Variants in UNC80 observed in about 807,000 individuals in gnomAD.
UNC80 encodes protein unc-80 homolog.
Under a neutral mutation model 384.6 loss-of-function variants are expected in UNC80, and 164 were observed. The ratio of observed to expected loss-of-function variants is 0.43; its 90% confidence interval spans 0.38 to 0.49. The LOEUF (loss-of-function observed/expected upper bound fraction) is 0.49, where lower values mean the gene tolerates loss of function less well. Ranked by LOEUF, UNC80 falls within the 20% of genes least tolerant of loss-of-function variation. UNC80 has a pLI of 0.00. For synonymous variants in UNC80, 1,486 were observed against 1,527.8 expected, an observed-to-expected ratio of 0.97 and a Z score of 0.64; for missense variants, 3,330 against 4,143.0, an observed-to-expected ratio of 0.80 and a Z score of 5.39.
chr2:209,904,469 C>T (rs1217109205), intron 28 of UNC80, among the ~76,000 whole-genome samples: 1 of 152,198 alleles, frequency 6.6e-6, no homozygotes, highest in African/African-American at 2.4e-5. Flanking sequence ...TCAGAATCTC[C>T]ATTTGAGAAT....
At chr2:209,984,586 G>A (rs774368748) in intron 60 of UNC80, among the ~76,000 whole-genome samples, 38 of 152,046 alleles carry the variant, frequency 2.5e-4, no homozygotes, top group Non-Finnish European at 4.9e-4. Flanking sequence ...GGGCCCATTC[G>A]GAGTTCATTT....
Position 209,817,004 on chromosome 2 carries a change from G to T in UNC80, c.1431G>T (p.Leu477=). 6.4e-7 allele frequency: 1 copy of T among 1,551,702 alleles called. No individual in the cohort carries two copies. Among genetic ancestry groups the T allele is most frequent in the Non-Finnish European group, 8.7e-7 (1 of 1,146,996 alleles). The change falls in exon 10 of 65, where the codon CTG becomes CTT. Residue 477 remains leucine, a synonymous_variant. Transcript: ENST00000673920. ...CACGGAGAATGGGAGTGCCCTTCCT[G>T]CTTCACGAGGACCACCTGGATGTGT... The part of the protein sequence containing the change: ...RRPRRMGVPF[L]LHEDHLDVSP...
intron 60 of UNC80, among the ~76,000 whole-genome samples, chr2:209,983,096 A>T (rs912279488): frequency 6.6e-6 from 1 of 152,068 alleles, no homozygotes; most frequent in Admixed American, 6.6e-5. Flanking sequence ...ACCTTATGTG[A>T]TTTTAGTGTG....
chr2:209,842,255 G>A, intron 20 of UNC80, 95 bp from the exon 21 acceptor site: 3 of 915,756 alleles, frequency 3.3e-6, no homozygotes, highest in Non-Finnish European at 4.9e-6. Flanking sequence ...ATGAAAATGA[G>A]TAAACAACTC....
Position 209,953,858 on chromosome 2 carries a change from C to G in UNC80, c.7287-242C>G, listed in dbSNP as rs376131710. Among the ~76,000 whole-genome samples the G allele has an allele frequency of 8.4e-4, 128 of 152,234 alleles. 3 individuals carry two copies. The highest frequency in any genetic ancestry group is 3.0e-3 in the African/African-American group (125 of 41,512). ...CATTTATTTGTATATATGGCTAATT[C>G]CCCCGACTAGATCACATGTTTCCTT... is the stretch of plus-strand genomic sequence containing the variant. On this transcript the variant is annotated intron_variant, in intron 47 of 64. Coordinates refer to ENST00000673920, the MANE Select transcript of UNC80 (RefSeq NM_001371986.1).
intron 15 of UNC80, 35 bp downstream of exon 15, chr2:209,829,414 C>T: frequency 3.9e-6 from 6 of 1,549,160 alleles, no homozygotes; most frequent in South Asian, 1.2e-5. Context: ...TAGGAGAAGT[C>T]GTTGTGAGGT....
chr2:209,981,525 C>G (rs2093156494), intron 59 of UNC80, among the ~76,000 whole-genome samples: 1 of 152,184 alleles, frequency 6.6e-6, no homozygotes, highest in Admixed American at 6.5e-5. Flanking sequence ...TTCAGTGAGC[C>G]AAGATCGCGC....
intron 61 of UNC80, among the ~76,000 whole-genome samples, chr2:209,990,419 CAACT>C (rs1198681753): frequency 6.6e-6 from 1 of 152,174 alleles, no homozygotes; most frequent in Non-Finnish European, 1.5e-5. Context: ...CATTGTACAT[CAACT>C]AACTTCTTTT....
intron 51 of UNC80, chr2:209,961,391 G>A (rs1184032011): frequency 6.6e-6 from 1 of 152,172 alleles, no homozygotes; most frequent in Non-Finnish European, 1.5e-5. Flanking sequence ...TTCAATGCAA[G>A]AGGCACATAA....
intron 3 of UNC80, among the ~76,000 whole-genome samples, chr2:209,776,819 CT>C (rs2076892785): frequency 6.6e-6 from 1 of 152,106 alleles, no homozygotes; most frequent in African/African-American, 2.4e-5. Context: ...TTACAGATTG[CT>C]TTTTTCATCT....
At chr2:209,860,440 G>T (rs2083267334) in intron 22 of UNC80, among the ~76,000 whole-genome samples, 1 of 152,138 alleles carries the variant, frequency 6.6e-6, no homozygotes, top group African/African-American at 2.4e-5. Context: ...TAGCCTTGTA[G>T]TTTGAAGTCA....
chr2:209,967,259 G>A (rs147726325), intron 51 of UNC80, among the ~76,000 whole-genome samples, 178 bp from the exon 52 acceptor site: 35 of 152,110 alleles, frequency 2.3e-4, no homozygotes, highest in African/African-American at 8.2e-4. Context: ...GCATATGTAG[G>A]TATCACTGTT....
At chr2:209,948,881 CTTAGT>C (rs1311639717) in intron 47 of UNC80, among the ~76,000 whole-genome samples, 1 of 151,992 alleles carries the variant, frequency 6.6e-6, no homozygotes, top group African/African-American at 2.4e-5. Flanking sequence ...GCCTTCTATT[CTTAGT>C]TTAGTTTGAG....
intron 28 of UNC80, among the ~76,000 whole-genome samples, chr2:209,898,474 A>T (rs1055779202): frequency 4.6e-5 from 7 of 152,022 alleles, no homozygotes; most frequent in African/African-American, 1.7e-4. Context: ...AGATTTTTTA[A>T]AAAAAATTAT....
chr2:209,781,247 A>G (rs1356700260), intron 4 of UNC80, among the ~76,000 whole-genome samples: 1 of 152,084 alleles, frequency 6.6e-6, no homozygotes, highest in Non-Finnish European at 1.5e-5. Context: ...GCCATTTCTA[A>G]TTTTTACAAC....
chr2:209,973,103 T>C lies in UNC80; in HGVS notation c.8420T>C (p.Leu2807Pro). 6.4e-7 allele frequency: 1 copy of C among 1,551,664 alleles called. No homozygotes were observed. Among genetic ancestry groups the C allele is most frequent in the Non-Finnish European group, 8.7e-7 (1 of 1,146,996 alleles). The change falls in exon 56 of 65, where the codon CTG (leucine) becomes CCG (proline). Residue 2807 changes from leucine (L) to proline (P), a missense_variant. Leu to Pro is a moderately conservative substitution (Grantham distance 98). This residue lies in a region of UNC80 where 1,049 missense variants were observed against 1,488.6 expected (regional missense o/e 0.70). Coordinates refer to ENST00000673920, the MANE Select transcript of UNC80 (RefSeq NM_001371986.1). ...WLEQPEVQLLLQTVINVLLPP... is the reference protein window; with the variant it reads ...WLEQPEVQLLPQTVINVLLPP... The stretch of plus-strand genomic sequence containing the variant: ...GAGCAGCCTGAGGTGCAGCTGCTGC[T>C]GCAGACAGTCATCAATGTACTCCTC...
chr2:209,809,492 AC>A, intron 7 of UNC80: 2 of 1,266,572 alleles, frequency 1.6e-6, no homozygotes, highest in Non-Finnish European at 2.3e-6. Flanking sequence ...GTCAAGAAGT[AC>A]CAGTGCCAGG....
intron 51 of UNC80, among the ~76,000 whole-genome samples, chr2:209,966,335 C>T (rs545020322): frequency 7.9e-5 from 12 of 152,088 alleles, no homozygotes; most frequent in African/African-American, 2.7e-4. Context: ...AAATCAAGCT[C>T]GAATCATACA....
Position 209,815,337 on chromosome 2 carries a change from T to C in UNC80, c.1281T>C (p.Arg427=). The C allele has an allele frequency of 6.4e-7, 1 of 1,551,672 alleles. No individual in the cohort carries two copies. The highest frequency in any genetic ancestry group is 8.7e-7 in the Non-Finnish European group (1 of 1,146,936). The change falls in exon 9 of 65, where the codon CGT becomes CGC. Residue 427 remains arginine (R), a synonymous_variant. Transcript: ENST00000673920. ...AFSKVSLTNL[R]RSAVPDLSSD... Reference sequence around the variant, plus strand: ...CCAAGGTTTCACTGACCAATCTGCGTAGATCTGCAGTCCCAGATCTTTCTT... The same window carrying C: ...CCAAGGTTTCACTGACCAATCTGCGCAGATCTGCAGTCCCAGATCTTTCTT...
Sources: allele counts gnomAD v4.1 joint callset (sites outside exome capture counted in the v4.1 genomes callset), GRCh38; gene constraint gnomAD v4.1.1; regional missense constraint gnomAD v4.1.1; transcripts MANE v1.5; gene names NCBI Gene and HGNC (gene_info 2026-07-23, HGNC 2026-07-21).